The following NTM variants were observed in gnomAD, a reference collection of about 807,000 sequenced individuals.
The protein encoded by NTM is IgLON family member 2.
In NTM, 13 loss-of-function variants were observed where a neutral mutation model predicts 42.1. That is an observed-to-expected ratio of 0.31 (90% CI 0.20 to 0.49). The LOEUF (loss-of-function observed/expected upper bound fraction) is 0.49. Among genes scored for constraint, NTM ranks in the 20% least tolerant of loss-of-function variants. The pLI, the probability that NTM is intolerant of heterozygous loss-of-function variation, is 0.99. For missense variants in NTM, 373 were observed against 452.8 expected (o/e 0.82, Z 1.60); for synonymous variants, 187 against 179.2 (o/e 1.04, Z -0.35).
chr11:131,467,382 C>T (rs1203903983), intron 1 of NTM, among the ~76,000 whole-genome samples: 1 of 152,210 alleles, frequency 6.6e-6, no homozygotes, highest in Admixed American at 6.5e-5. Context: ...GCCCACCTCC[C>T]ACCAGGAGGG....
intron 1 of NTM, among the ~76,000 whole-genome samples, chr11:131,697,539 A>G (rs1290378404): frequency 2.0e-5 from 3 of 152,164 alleles, no homozygotes; most frequent in Non-Finnish European, 4.4e-5. Flanking sequence ...GCTATTCCAT[A>G]GTCCCCATTT....
At chr11:131,709,157 C>T (rs557723765) in intron 1 of NTM, among the ~76,000 whole-genome samples, 1 of 152,044 alleles carries the variant, frequency 6.6e-6, no homozygotes, top group Non-Finnish European at 1.5e-5. Flanking sequence ...CAGGGAAGGA[C>T]AGGATAATAA....
At chr11:131,403,141 A>G (rs1385246755) in intron 1 of NTM, among the ~76,000 whole-genome samples, 1 of 152,152 alleles carries the variant, frequency 6.6e-6, no homozygotes, top group Non-Finnish European at 1.5e-5. Flanking sequence ...GAGAGGAGAC[A>G]CCGTTTACTT....
At chr11:131,755,264 C>A (rs2083171760) in intron 1 of NTM, among the ~76,000 whole-genome samples, 3 of 152,130 alleles carry the variant, frequency 2.0e-5, no homozygotes, top group Non-Finnish European at 4.4e-5. Flanking sequence ...TGTATGTATA[C>A]TGAATATTTA....
At chr11:132,007,625 A>G (rs1009889625) in intron 2 of NTM, among the ~76,000 whole-genome samples, 1 of 152,188 alleles carries the variant, frequency 6.6e-6, no homozygotes, top group Non-Finnish European at 1.5e-5. Context: ...TGCATCAGAG[A>G]AGCTTACTAT....
At chr11:131,446,880 C>T (rs1950099273) in intron 1 of NTM, among the ~76,000 whole-genome samples, 1 of 152,164 alleles carries the variant, frequency 6.6e-6, no homozygotes, top group South Asian at 2.1e-4. Flanking sequence ...TGAATAGGTC[C>T]CAGCTAAAAG....
intron 1 of NTM, among the ~76,000 whole-genome samples, chr11:131,654,574 C>A (rs1400472586): frequency 2.6e-5 from 4 of 152,108 alleles, no homozygotes; most frequent in Non-Finnish European, 4.4e-5. Context: ...GAAATGTGAC[C>A]CCCAAGGTTG....
At chr11:132,077,382 T>A (rs1218250034) in intron 2 of NTM, among the ~76,000 whole-genome samples, 1 of 152,218 alleles carries the variant, frequency 6.6e-6, no homozygotes, top group African/African-American at 2.4e-5. Flanking sequence ...AATAAAAGTT[T>A]GGGCCTTGTA....
intron 2 of NTM, among the ~76,000 whole-genome samples, chr11:132,088,288 C>T (rs2059980526): frequency 6.6e-6 from 1 of 152,114 alleles, no homozygotes; most frequent in Admixed American, 6.5e-5. Flanking sequence ...CAGAAAAAGT[C>T]TGAGGATGAG....
chr11:132,098,942 C>G (rs570029249), intron 2 of NTM, among the ~76,000 whole-genome samples: 3 of 152,316 alleles, frequency 2.0e-5, no homozygotes, highest in Admixed American at 6.5e-5. Flanking sequence ...AATATTTGTG[C>G]AAACATTATG....
At chr11:131,839,908 C>T (rs78259352) in intron 1 of NTM, among the ~76,000 whole-genome samples, 250 of 152,272 alleles carry the variant, frequency 1.6e-3, no homozygotes, top group Non-Finnish European at 2.0e-3. Context: ...ACATGACTTC[C>T]AAAAGTACTG....
chr11:131,385,586 T>C (rs893086198), intron 1 of NTM, among the ~76,000 whole-genome samples: 7 of 152,156 alleles, frequency 4.6e-5, no homozygotes, highest in African/African-American at 1.7e-4. Flanking sequence ...GGCTCAGTGG[T>C]TCCTGCCTAT....
intron 1 of NTM, among the ~76,000 whole-genome samples, chr11:131,885,370 C>T (rs1013091324): frequency 2.0e-5 from 3 of 152,178 alleles, no homozygotes; most frequent in Non-Finnish European, 4.4e-5. Context: ...CCTGCACTGG[C>T]TACACAACTG....
At chr11:131,571,062 C>T (rs780718349) in intron 1 of NTM, among the ~76,000 whole-genome samples, 2 of 152,308 alleles carry the variant, frequency 1.3e-5, no homozygotes, top group African/African-American at 2.4e-5. Flanking sequence ...TTCTGCTGTG[C>T]GGCCTCGGGC....
At chr11:131,953,733 T>A (rs2061271351) in intron 2 of NTM, among the ~76,000 whole-genome samples, 1 of 151,086 alleles carries the variant, frequency 6.6e-6, no homozygotes. Context: ...CACTTTCTAA[T>A]GAAAAAGAAG....
intron 1 of NTM, among the ~76,000 whole-genome samples, chr11:131,557,150 T>A (rs1230676551): frequency 6.6e-6 from 1 of 152,146 alleles, no homozygotes; most frequent in South Asian, 2.1e-4. Context: ...TCTCTCCAGT[T>A]AAGCCAATGG....
At chr11:131,970,166 C>T (rs955039983) in intron 2 of NTM, among the ~76,000 whole-genome samples, 1 of 152,200 alleles carries the variant, frequency 6.6e-6, no homozygotes, top group Non-Finnish European at 1.5e-5. Flanking sequence ...CACCTGCACC[C>T]TGTCACAACC....
At chr11:132,270,367 G>T (rs1287037124) in intron 4 of NTM, among the ~76,000 whole-genome samples, 1 of 152,052 alleles carries the variant, frequency 6.6e-6, no homozygotes, top group Non-Finnish European at 1.5e-5. Flanking sequence ...GAGTAGCTGG[G>T]ATTACAGGTG....
intron 4 of NTM, among the ~76,000 whole-genome samples, chr11:132,239,844 T>C (rs1281391774): frequency 6.6e-6 from 1 of 152,218 alleles, no homozygotes; most frequent in Non-Finnish European, 1.5e-5. Flanking sequence ...GAAAAGGACA[T>C]CACTAATTTA....
Sources: gnomAD v4.1 joint callset for allele counts (sites outside exome capture counted in the v4.1 genomes callset) on GRCh38, gnomAD v4.1.1 for gene constraint, MANE v1.5 for transcripts, NCBI Gene and HGNC (gene_info 2026-07-23, HGNC 2026-07-21) for gene names.